VWC2: variants seen among roughly 807,000 people sequenced by gnomAD.
VWC2 encodes von Willebrand factor C domain containing 2, also known as brorin.
VWC2 carries 14 observed loss-of-function variants against 29.8 expected under a neutral mutation model. The ratio of observed to expected loss-of-function variants is 0.47; its 90% CI spans 0.31 to 0.74. VWC2 has a LOEUF of 0.74. VWC2 is among the 30% of genes least tolerant of loss of function. The pLI is 0.05. For missense variants in VWC2, 457 were observed against 459.8 expected (o/e 0.99, Z 0.05); for synonymous variants, 213 against 199.0 (o/e 1.07, Z -0.59).
intron 3 of VWC2, among the ~76,000 whole-genome samples, chr7:49,825,188 A>C (rs964691822): frequency 2.6e-5 from 4 of 152,156 alleles, no homozygotes; most frequent in African/African-American, 9.7e-5. Context: ...CAATTCTAGA[A>C]ATTCCATAAA....
chr7:49,873,806 G>GA (rs1791280973), intron 3 of VWC2, among the ~76,000 whole-genome samples: 1 of 150,868 alleles, frequency 6.6e-6, no homozygotes, highest in African/African-American at 2.4e-5. Context: ...GCCATCAAGA[G>GA]AAAAATGGAT....
rs1413597903 is a variant in VWC2 at position 49,789,163 on chromosome 7, ATG to A, written c.696+13040_696+13041del. Reference sequence around the variant, plus strand: ...TGTATGAGAATGTGAGTGTGGCTGTATGTGTGTGTTAGCATGTGTGTGGGTGC... The same window carrying A: ...TGTATGAGAATGTGAGTGTGGCTGTATGTGTGTTAGCATGTGTGTGGGTGC... On this transcript the variant is annotated intron_variant, in intron 2 of 3. Coordinates refer to ENST00000340652, the MANE Select transcript of VWC2 (RefSeq NM_198570.5). Among the ~76,000 whole-genome samples the A allele has an allele frequency of 2.0e-3, 246 of 124,482 alleles. 1 individual carries two copies. The highest frequency in any genetic ancestry group is 6.3e-3 in the African/African-American group (203 of 31,988). The allele number at this position is 124,482 out of a possible 152,430, so 81.7% of individuals were successfully genotyped here.
intron 2 of VWC2, among the ~76,000 whole-genome samples, chr7:49,780,662 C>T (rs1376920596): frequency 1.3e-5 from 2 of 152,110 alleles, no homozygotes; most frequent in Non-Finnish European, 2.9e-5. Context: ...GTTATCGTAG[C>T]CGATCAGGAG....
chr7:49,894,497 G>A (rs188058850), intron 3 of VWC2, among the ~76,000 whole-genome samples: 4 of 152,326 alleles, frequency 2.6e-5, no homozygotes, highest in South Asian at 2.1e-4. Context: ...AAAACATAGT[G>A]GCAATTTATC....
At chr7:49,872,220 C>T (rs889643328) in intron 3 of VWC2, among the ~76,000 whole-genome samples, 2 of 151,942 alleles carry the variant, frequency 1.3e-5, no homozygotes, top group South Asian at 2.1e-4. Context: ...TTAGTGACAT[C>T]GCTGGGGGTG....
At chr7:49,829,014 CCTCT>C (rs141367669) in intron 3 of VWC2, among the ~76,000 whole-genome samples, 2 of 150,752 alleles carry the variant, frequency 1.3e-5, no homozygotes, top group Non-Finnish European at 3.0e-5. Flanking sequence ...GCCCACAGCT[CCTCT>C]CTCTCTCTCT....
At chr7:49,887,316 T>C (rs1791944731) in intron 3 of VWC2, among the ~76,000 whole-genome samples, 1 of 152,200 alleles carries the variant, frequency 6.6e-6, no homozygotes, top group Admixed American at 6.5e-5. Context: ...TCTGCATCAT[T>C]TGAAAGATTT....
chr7:49,871,872 TATATA>T lies in VWC2; in HGVS notation c.827-40159_827-40155del, dbSNP rs1007215097. Reference sequence around the variant, plus strand: ...GTATGCATATACATACATATGTGCATATATAATGTTTTTTGTATGTATATGTGTGT... The same window carrying T: ...GTATGCATATACATACATATGTGCATATGTTTTTTGTATGTATATGTGTGT... On this transcript the variant is annotated intron_variant, in intron 3 of 3. Transcript: ENST00000340652. Among the ~76,000 whole-genome samples, 24 of 146,546 alleles carry T rather than the reference TATATA, an allele frequency of 1.6e-4. 1 individual carries two copies. Among genetic ancestry groups the T allele is most frequent in the Admixed American group, 1.1e-3 (16 of 14,776 alleles).
At chr7:49,894,973 A>G in intron 3 of VWC2, among the ~76,000 whole-genome samples, 1 of 152,336 alleles carries the variant, frequency 6.6e-6, no homozygotes, top group East Asian at 1.9e-4. Context: ...TTCCCCAGTC[A>G]AGAGTGAGTT....
At chr7:49,878,514 A>G (rs1328596940) in intron 3 of VWC2, among the ~76,000 whole-genome samples, 1 of 151,902 alleles carries the variant, frequency 6.6e-6, no homozygotes, top group East Asian at 1.9e-4. Flanking sequence ...TTCTTTCAAA[A>G]CTCTGAAGGT....
chr7:49,895,270 CT>C (rs1250332019), intron 3 of VWC2, among the ~76,000 whole-genome samples: 1 of 152,188 alleles, frequency 6.6e-6, no homozygotes, highest in Non-Finnish European at 1.5e-5. Context: ...CCAAATCCCA[CT>C]CATGAGGGCT....
At chr7:49,863,379 G>A (rs2128941) in intron 3 of VWC2, among the ~76,000 whole-genome samples, 63,015 of 151,890 alleles carry the variant, frequency 0.41, 13,459 homozygotes, top group Non-Finnish European at 0.47. Context: ...TGTCAGTTTT[G>A]TTGATCTTTA....
intron 2 of VWC2, among the ~76,000 whole-genome samples, chr7:49,801,885 G>A (rs891234532): frequency 5.3e-5 from 8 of 152,322 alleles, no homozygotes; most frequent in South Asian, 2.1e-4. Context: ...TAGAGCTCCC[G>A]GCCCTTGGCC....
At chr7:49,792,714 T>C (rs1834476) in intron 2 of VWC2, among the ~76,000 whole-genome samples, 1 of 152,180 alleles carries the variant, frequency 6.6e-6, no homozygotes, top group African/African-American at 2.4e-5. Context: ...CTGCGCTGTG[T>C]CCAGCTTTGC....
At chr7:49,897,189 C>CCGG in intron 3 of VWC2, among the ~76,000 whole-genome samples, 1 of 152,142 alleles carries the variant, frequency 6.6e-6, no homozygotes, top group African/African-American at 2.4e-5. Flanking sequence ...GCCACCGCGC[C>CCGG]CGGCCGGATT....
chr7:49,818,835 C>G (rs975918506), intron 3 of VWC2, among the ~76,000 whole-genome samples: 19 of 137,538 alleles, frequency 1.4e-4, no homozygotes, highest in African/African-American at 5.2e-4. Context: ...TATATATATT[C>G]AATATATATC....
At chr7:49,904,113 T>C (rs1478904237) in intron 3 of VWC2, among the ~76,000 whole-genome samples, 3 of 152,230 alleles carry the variant, frequency 2.0e-5, no homozygotes, top group Non-Finnish European at 4.4e-5. Context: ...GCCACCATCT[T>C]GAACATGTCT....
chr7:49,818,864 T>A (rs908930478), intron 3 of VWC2, among the ~76,000 whole-genome samples: 26 of 148,660 alleles, frequency 1.7e-4, no homozygotes, highest in East Asian at 3.9e-4. Flanking sequence ...TCAATAAAAA[T>A]ATATATATCT....
chr7:49,788,861 C>T (rs1414017182), intron 2 of VWC2, among the ~76,000 whole-genome samples: 12 of 96,134 alleles, frequency 1.2e-4, no homozygotes, highest in Admixed American at 9.1e-4. Context: ...TGTGTGTGAG[C>T]GTGTGTGTGG....
Sources: gnomAD v4.1 joint callset for allele counts (sites outside exome capture counted in the v4.1 genomes callset) on GRCh38, gnomAD v4.1.1 for gene constraint, MANE v1.5 for transcripts, NCBI Gene and HGNC (gene_info 2026-07-23, HGNC 2026-07-21) for gene names.